The following CATSPER4 variants were observed in gnomAD, a reference collection of about 807,000 sequenced individuals.
The protein encoded by CATSPER4 is cation channel sperm-associated protein 4.
CATSPER4 carries 46 observed loss-of-function variants against 54.4 expected under a neutral mutation model. That is an observed-to-expected ratio of 0.84 (90% CI 0.67 to 1.08). The LOEUF is 1.08. CATSPER4 is among the 50% of genes least tolerant of loss of function. CATSPER4 has a pLI of 0.00. For missense variants in CATSPER4, 574 were observed against 612.8 expected (o/e 0.94, Z 0.67); for synonymous variants, 230 against 231.9 (o/e 0.99, Z 0.08).
intron 3 of CATSPER4, 32 bp from the exon 4 acceptor site, chr1:26,197,654 A>G (rs967807450): frequency 5.9e-6 from 9 of 1,524,438 alleles, no homozygotes; most frequent in Admixed American, 3.3e-5. Context: ...GCTGGGCCTG[A>G]CAGACCCCAC....
In CATSPER4 at chr1:26,197,893, G is replaced by A. The variant is rs60044630; in HGVS notation, c.558-64G>A. 5,528 of 1,610,782 alleles carry A rather than the reference G, an allele frequency of 3.4e-3. 121 individuals are homozygous for A. The African/African-American group carries it at 0.057, about 17-fold the overall frequency. ...GCTTTGCCTCTCTGGGCAGCTGGTG[G>A]GGGTAATGAGGAGGGAAGGGGCTGG... On this transcript the variant is annotated intron_variant, in intron 4 of 9. Coordinates refer to ENST00000456354, the MANE Select transcript of CATSPER4 (RefSeq NM_198137.2).
intron 9 of CATSPER4, 146 bp downstream of exon 9, chr1:26,201,665 T>A: frequency 1.4e-6 from 1 of 720,374 alleles, no homozygotes; most frequent in Non-Finnish European, 2.4e-6. Flanking sequence ...CTTTTTTTTC[T>A]TTTTTCTTTT....
chr1:26,199,968 C>G lies in CATSPER4; in HGVS notation c.897C>G (p.Ile299Met). ...TCACCATCGGTGCCTTCATTGGCATCAACCTGTTCGTCATCGTGGTGACCA... is the reference window on the plus strand; with the variant it reads ...TCACCATCGGTGCCTTCATTGGCATGAACCTGTTCGTCATCGTGGTGACCA... ...IFITIGAFIG[I>M]NLFVIVVTTN... is the part of the protein sequence containing the mutation. Residue 299 changes from isoleucine to methionine, a missense_variant, in exon 7 of 10, where the codon ATC becomes ATG. By Grantham distance (10) the Ile-to-Met change is conservative (BLOSUM62 1). Transcript: ENST00000456354. 6.2e-7 allele frequency: 1 copy of G among 1,614,166 alleles called. No individual in the cohort carries two copies.
intron 3 of CATSPER4, 74 bp downstream of exon 3, chr1:26,193,962 GC>G (rs2088905212): frequency 9.9e-7 from 1 of 1,005,550 alleles, no homozygotes; most frequent in Middle Eastern, 2.1e-4. Flanking sequence ...TGTACTCCTG[GC>G]CCTACAAACT....
intron 6 of CATSPER4, among the ~76,000 whole-genome samples, chr1:26,198,861 T>G (rs546410099): frequency 2.0e-4 from 30 of 152,238 alleles, no homozygotes; most frequent in Non-Finnish European, 2.8e-4. Context: ...CTCTTTTCTA[T>G]TAAGTCTAAG....
At chr1:26,191,505 C>T in intron 2 of CATSPER4, 75 bp downstream of exon 2, 2 of 1,524,560 alleles carry the variant, frequency 1.3e-6, no homozygotes, top group Non-Finnish European at 1.8e-6. Flanking sequence ...CGGCCTCAGG[C>T]TCCTCATCTG....
At chr1:26,198,157 G>C in intron 5 of CATSPER4, 80 bp downstream of exon 5, 1 of 1,613,872 alleles carries the variant, frequency 6.2e-7, no homozygotes. Context: ...GGGGTGTCTG[G>C]AAAAGCAGAG....
chr1:26,198,136 T>A, intron 5 of CATSPER4, 59 bp downstream of exon 5: 1 of 1,614,092 alleles, frequency 6.2e-7, no homozygotes, highest in South Asian at 1.1e-5. Flanking sequence ...CCTTGGGTCA[T>A]TGCAAATAGA....
rs2088968135 is a variant in CATSPER4 at position 26,198,402 on chromosome 1, C to T, written c.795C>T (p.Asp265=). 1.2e-6 allele frequency: 2 copies of T among 1,614,160 alleles called. No homozygotes were observed. Among genetic ancestry groups the T allele is most frequent in the South Asian group, 1.1e-5 (1 of 91,082 alleles). ...GCATCACCCAGGACGGCTGGGTGGA[C>T]ATCTACAGTGACTTCCAGTGAGTGC... is the stretch of plus-strand genomic sequence containing the variant. ...FICITQDGWV[D]IYSDFQTEKR... The change falls in exon 6 of 10, where the codon GAC becomes GAT. Residue 265 remains aspartate, a synonymous_variant. Coordinates refer to ENST00000456354, the MANE Select transcript of CATSPER4 (RefSeq NM_198137.2).
chr1:26,199,513 G>A (rs931702333), intron 6 of CATSPER4, among the ~76,000 whole-genome samples: 16 of 150,592 alleles, frequency 1.1e-4, no homozygotes, highest in Non-Finnish European at 2.1e-4. Flanking sequence ...GCGGGAGAAC[G>A]ACATGAACCC....
At chr1:26,201,685 CTTT>C (rs2089010600) in intron 9 of CATSPER4, 166 bp downstream of exon 9, 27 of 563,794 alleles carry the variant, frequency 4.8e-5, no homozygotes, top group African/African-American at 2.6e-4. Flanking sequence ...TTCTTTCTTT[CTTT>C]CCTTTTTTTT....
chr1:26,200,820 C>A lies in CATSPER4; in HGVS notation c.988-10C>A. On this transcript the variant is annotated splice_polypyrimidine_tract_variant and intron_variant, in intron 7 of 9. Coordinates refer to ENST00000456354, the MANE Select transcript of CATSPER4 (RefSeq NM_198137.2). Reference sequence around the variant, plus strand: ...GCTGTCCCGACCCCTCTCTATCCCCCGCTTCCCAGACAGGCGCAGAGGAAG... The same window carrying A: ...GCTGTCCCGACCCCTCTCTATCCCCAGCTTCCCAGACAGGCGCAGAGGAAG... The A allele has an allele frequency of 1.2e-6, 2 of 1,612,176 alleles. No individual in the cohort carries two copies. Among genetic ancestry groups the A allele is most frequent in the Non-Finnish European group, 1.7e-6 (2 of 1,178,354 alleles).
chr1:26,193,625 A>C (rs1354969078), intron 2 of CATSPER4, among the ~76,000 whole-genome samples, 162 bp from the exon 3 acceptor site: 1 of 152,224 alleles, frequency 6.6e-6, no homozygotes, highest in Non-Finnish European at 1.5e-5. Context: ...CCTGGCACGC[A>C]CAGGCAAAGT....
At chr1:26,191,978 C>T (rs1338791893) in intron 2 of CATSPER4, among the ~76,000 whole-genome samples, 2 of 151,870 alleles carry the variant, frequency 1.3e-5, no homozygotes, top group Non-Finnish European at 2.9e-5. Context: ...ATCTCAGTCA[C>T]CACAACAAAG....
Position 26,197,565 on chromosome 1 carries a change from T to A in CATSPER4, c.460-121T>A. 8.3e-6 allele frequency: 6 copies of A among 725,766 alleles called. No individual in the cohort carries two copies. The South Asian group carries it at 8.8e-5, about 11-fold the overall frequency. The allele number at this position is 725,766 out of a possible 1,614,324, so 45.0% of individuals were successfully genotyped here. A position where few individuals can be genotyped will look rare whatever the true frequency, so the allele number is the denominator to read the frequency against. On this transcript the variant is annotated intron_variant, in intron 3 of 9. Coordinates refer to ENST00000456354, the MANE Select transcript of CATSPER4 (RefSeq NM_198137.2). Reference sequence around the variant, plus strand: ...CAGGGTAACAGCAGTGGATGGCAGCTGACTGGCCCTGCTCTGAGAGGGACA... The same window carrying A: ...CAGGGTAACAGCAGTGGATGGCAGCAGACTGGCCCTGCTCTGAGAGGGACA...
At chr1:26,191,692 G>A (rs1269402984) in intron 2 of CATSPER4, among the ~76,000 whole-genome samples, 1 of 152,140 alleles carries the variant, frequency 6.6e-6, no homozygotes, top group African/African-American at 2.4e-5. Context: ...GAGGCAAATG[G>A]GTGCCTTGTG....
At chr1:26,193,761 C>G (rs777147282) in intron 2 of CATSPER4, 26 bp from the exon 3 acceptor site, 3 of 1,525,328 alleles carry the variant, frequency 2.0e-6, no homozygotes, top group East Asian at 2.2e-5. Context: ...CTCTCTGCCC[C>G]TCTTTTTTCT....
intron 7 of CATSPER4, 135 bp downstream of exon 7, chr1:26,200,193 G>C (rs934616261): frequency 2.1e-5 from 21 of 1,015,818 alleles, no homozygotes; most frequent in Non-Finnish European, 3.0e-5. Flanking sequence ...GGAGGCAGCA[G>C]CCCCCCATCT....
intron 9 of CATSPER4, 171 bp downstream of exon 9, chr1:26,201,690 C>CTTTTTTTTTTTCCTT (rs2089010759): frequency 1.3e-5 from 5 of 397,178 alleles, no homozygotes; most frequent in Non-Finnish European, 2.2e-5. Context: ...TCTTTCTTTC[C>CTTTTTTTTTTTCCTT]TTTTTTTTTT....
Sources: allele counts gnomAD v4.1 joint callset (sites outside exome capture counted in the v4.1 genomes callset), GRCh38; gene constraint gnomAD v4.1.1; transcripts MANE v1.5; gene names NCBI Gene and HGNC (gene_info 2026-07-23, HGNC 2026-07-21).